CSMD1: variants seen among roughly 807,000 people sequenced by gnomAD.
CSMD1 encodes CUB and sushi domain-containing protein 1.
CSMD1 carries 213 observed loss-of-function variants against 417.5 expected under a neutral mutation model. The ratio of observed to expected loss-of-function variants is 0.51; its 90% CI spans 0.46 to 0.57. CSMD1 has a LOEUF of 0.57. Ranked by LOEUF, CSMD1 falls within the 20% of genes least tolerant of loss-of-function variation. The pLI, the probability that CSMD1 is intolerant of heterozygous loss-of-function variation, is 0.00. For synonymous variants in CSMD1, 2,862 were observed against 1,736.8 expected (o/e 1.65, Z -16.11); for missense variants, 6,923 against 4,529.7 (o/e 1.53, Z -15.17).
intron 3 of CSMD1, among the ~76,000 whole-genome samples, chr8:4,265,113 G>A (rs772507020): frequency 6.6e-6 from 1 of 152,080 alleles, no homozygotes; most frequent in South Asian, 2.1e-4. Flanking sequence ...AAATTAAGTT[G>A]AAAAACTGTC....
chr8:3,890,475 G>A (rs892961492), intron 5 of CSMD1, among the ~76,000 whole-genome samples: 6 of 151,886 alleles, frequency 4.0e-5, no homozygotes, highest in Non-Finnish European at 7.4e-5. Flanking sequence ...AGTGAGGGAA[G>A]TTTTGAAAAT....
intron 3 of CSMD1, among the ~76,000 whole-genome samples, chr8:4,104,201 G>A (rs555147285): frequency 6.6e-6 from 1 of 152,340 alleles, no homozygotes; most frequent in Admixed American, 6.5e-5. Flanking sequence ...TAGGGTCATA[G>A]TGTGTGTGAA....
intron 57 of CSMD1, among the ~76,000 whole-genome samples, chr8:2,972,032 T>C (rs1585073178): frequency 6.6e-6 from 1 of 152,038 alleles, no homozygotes; most frequent in African/African-American, 2.4e-5. Context: ...ATATATACAC[T>C]ATGCATGGGT....
At position 4,767,816 on chromosome 8, in the gene CSMD1, G is replaced by A. The variant is rs1812567958; in HGVS notation, c.86-130258C>T. 2.6e-5 allele frequency among the ~76,000 whole-genome samples: 4 copies of A among 152,240 alleles called. No homozygotes were observed. In the South Asian group the frequency reaches 6.2e-4, roughly 24 times the overall value. ...TGTTCCCAAACACTTATTTACCCGA[G>A]GCACTGGAGCACCCAACTGCCCAGG... On this transcript the variant is annotated intron_variant, in intron 1 of 69. Coordinates refer to ENST00000635120, the MANE Select transcript of CSMD1 (RefSeq NM_033225.6).
intron 7 of CSMD1, among the ~76,000 whole-genome samples, chr8:3,667,021 G>A (rs759027949): frequency 7.2e-5 from 11 of 152,094 alleles, no homozygotes; most frequent in South Asian, 2.1e-4. Context: ...CCCTGAAGGC[G>A]CCAAGCTAGA....
At chr8:3,035,811 A>C (rs1015719983) in intron 50 of CSMD1, among the ~76,000 whole-genome samples, 1 of 152,236 alleles carries the variant, frequency 6.6e-6, no homozygotes, top group African/African-American at 2.4e-5. Context: ...ACATTGTTCA[A>C]CTTGCCAGTT....
chr8:4,289,472 G>C (rs1797241550), intron 3 of CSMD1, among the ~76,000 whole-genome samples: 1 of 152,134 alleles, frequency 6.6e-6, no homozygotes, highest in Non-Finnish European at 1.5e-5. Context: ...TCCAGTAGTA[G>C]CCAGATTTGG....
In CSMD1 at chr8:4,549,670, C is replaced by T. The variant is rs578197824; in HGVS notation, c.302+87672G>A. Among the ~76,000 whole-genome samples the T allele has an allele frequency of 4.6e-5, 7 of 152,094 alleles. No homozygotes were observed. The East Asian group carries it at 1.4e-3, about 30-fold the overall frequency. ...TTGGGAGGCTGAGGCAGGAAGATCACTTGAGTTCAGGAGTTCAAGACCAGC... is the reference window on the plus strand; with the variant it reads ...TTGGGAGGCTGAGGCAGGAAGATCATTTGAGTTCAGGAGTTCAAGACCAGC... On this transcript the variant is annotated intron_variant, in intron 2 of 69. Coordinates refer to ENST00000635120, the MANE Select transcript of CSMD1 (RefSeq NM_033225.6).
intron 3 of CSMD1, among the ~76,000 whole-genome samples, chr8:4,269,238 G>C (rs1191295012): frequency 6.6e-6 from 1 of 152,008 alleles, no homozygotes; most frequent in Non-Finnish European, 1.5e-5. Flanking sequence ...TGTATATTTA[G>C]CAGAGATGAG....
chr8:4,178,609 G>C (rs1240536946), intron 3 of CSMD1, among the ~76,000 whole-genome samples: 4 of 151,632 alleles, frequency 2.6e-5, no homozygotes, highest in South Asian at 2.1e-4. Context: ...GGAAATAAAG[G>C]GTATTCAATT....
intron 57 of CSMD1, among the ~76,000 whole-genome samples, chr8:2,972,186 G>T (rs1049026126): frequency 1.3e-5 from 2 of 151,798 alleles, no homozygotes; most frequent in African/African-American, 4.8e-5. Context: ...TACCTATATA[G>T]AATGTATAAT....
At chr8:3,497,963 G>A (rs1007578022) in intron 10 of CSMD1, among the ~76,000 whole-genome samples, 2 of 152,146 alleles carry the variant, frequency 1.3e-5, no homozygotes, top group Non-Finnish European at 2.9e-5. Context: ...GCTCCCATAA[G>A]CATTTCTTGT....
At chr8:4,367,940 G>A (rs1210826428) in intron 3 of CSMD1, among the ~76,000 whole-genome samples, 3 of 152,146 alleles carry the variant, frequency 2.0e-5, no homozygotes, top group Non-Finnish European at 2.9e-5. Context: ...ATCAGTTCTA[G>A]AAGCCTTCTG....
At chr8:3,601,068 G>A (rs1336984249) in intron 8 of CSMD1, among the ~76,000 whole-genome samples, 1 of 152,096 alleles carries the variant, frequency 6.6e-6, no homozygotes, top group Non-Finnish European at 1.5e-5. Context: ...GTGGCAGCAA[G>A]CTTGATACCA....
chr8:3,754,691 G>C (rs931148679), intron 5 of CSMD1, among the ~76,000 whole-genome samples: 1 of 152,208 alleles, frequency 6.6e-6, no homozygotes, highest in Non-Finnish European at 1.5e-5. Context: ...GTGACCTCAG[G>C]TGATCTGCCT....
chr8:3,986,280 T>C (rs1814314961), intron 5 of CSMD1, among the ~76,000 whole-genome samples: 1 of 152,142 alleles, frequency 6.6e-6, no homozygotes, highest in Non-Finnish European at 1.5e-5. Flanking sequence ...ACATTCTCTC[T>C]ACAATCCTTC....
chr8:2,964,496 G>A (rs1328647820), intron 59 of CSMD1, among the ~76,000 whole-genome samples: 1 of 152,234 alleles, frequency 6.6e-6, no homozygotes, highest in Non-Finnish European at 1.5e-5. Flanking sequence ...AGGAGGGACA[G>A]AGAGAGAAAG....
At chr8:4,846,999 G>C (rs1421197642) in intron 1 of CSMD1, among the ~76,000 whole-genome samples, 1 of 152,032 alleles carries the variant, frequency 6.6e-6, no homozygotes, top group African/African-American at 2.4e-5. Flanking sequence ...TTTCGTTAAT[G>C]ATTTGTCAGT....
chr8:3,739,913 T>A (rs1038997980), intron 6 of CSMD1, among the ~76,000 whole-genome samples: 3 of 152,124 alleles, frequency 2.0e-5, no homozygotes, highest in African/African-American at 7.2e-5. Context: ...CTTCAAGCAA[T>A]GAGGATATTT....
Sources: allele counts gnomAD v4.1 joint callset (sites outside exome capture counted in the v4.1 genomes callset), GRCh38; gene constraint gnomAD v4.1.1; transcripts MANE v1.5; gene names NCBI Gene and HGNC (gene_info 2026-07-23, HGNC 2026-07-21).